SOX5: variants seen among roughly 807,000 people sequenced by gnomAD.
SOX5 encodes the protein transcription factor SOX-5.
In SOX5, 9 loss-of-function variants were observed where a neutral mutation model predicts 92.0. The observed-to-expected ratio is 0.10, with a 90% CI of 0.06 to 0.17. The LOEUF (loss-of-function observed/expected upper bound fraction) is 0.17. Among genes scored for constraint, SOX5 ranks in the 10% least tolerant of loss-of-function variants. The probability of loss-of-function intolerance (pLI) is 1.00; values close to 1 mark genes in which losing one functional copy is unlikely to be tolerated. For missense variants in SOX5, 642 were observed against 944.5 expected, an observed-to-expected ratio of 0.68 and a Z score of 4.20; for synonymous variants, 344 against 336.3, an observed-to-expected ratio of 1.02 and a Z score of -0.25.
At chr12:24,466,752 A>G (rs1462281696) in intron 1 of SOX5, among the ~76,000 whole-genome samples, 1 of 152,184 alleles carries the variant, frequency 6.6e-6, no homozygotes, top group Non-Finnish European at 1.5e-5. Flanking sequence ...TTTTCAAAAA[A>G]CAGTTTGTGG....
intron 3 of SOX5, among the ~76,000 whole-genome samples, chr12:24,249,782 T>C (rs1275313296): frequency 6.6e-6 from 1 of 152,218 alleles, no homozygotes; most frequent in East Asian, 1.9e-4. Context: ...CTAAGCATGC[T>C]GCCATTAAAA....
chr12:23,587,992 A>G (rs1950983117), intron 9 of SOX5, among the ~76,000 whole-genome samples: 1 of 152,052 alleles, frequency 6.6e-6, no homozygotes, highest in Non-Finnish European at 1.5e-5. Flanking sequence ...CTTTATTTTA[A>G]TGATAACCTC....
intron 6 of SOX5, among the ~76,000 whole-genome samples, chr12:23,679,143 T>A (rs1053476542): frequency 3.9e-5 from 6 of 152,034 alleles, no homozygotes; most frequent in Admixed American, 1.3e-4. Context: ...TCCAAGAAAG[T>A]TGGAGGTAGG....
intron 6 of SOX5, among the ~76,000 whole-genome samples, chr12:23,668,917 T>C (rs1163500767): frequency 6.6e-6 from 1 of 152,210 alleles, no homozygotes; most frequent in Non-Finnish European, 1.5e-5. Flanking sequence ...TAAATACCTA[T>C]CAATTACTCA....
At chr12:24,553,704 C>T (rs963599738) in intron 1 of SOX5, among the ~76,000 whole-genome samples, 3 of 152,110 alleles carry the variant, frequency 2.0e-5, no homozygotes, top group Non-Finnish European at 4.4e-5. Flanking sequence ...GACAGTGGTG[C>T]CATGAGAATA....
chr12:24,253,541 G>A (rs568326861), intron 3 of SOX5, among the ~76,000 whole-genome samples: 1 of 152,238 alleles, frequency 6.6e-6, no homozygotes, highest in South Asian at 2.1e-4. Flanking sequence ...AGGAAAACAA[G>A]AGCATAGTTA....
chr12:23,895,927 C>T lies in SOX5; in HGVS notation c.136G>A (p.Gly46Arg), dbSNP rs144090513. The T allele has an allele frequency of 6.2e-6, 10 of 1,613,822 alleles. No homozygotes were observed. Among genetic ancestry groups the T allele is most frequent in the African/African-American group, 4.0e-5 (3 of 75,020 alleles). The change falls in exon 2 of 15, where the codon GGG becomes AGG. Residue 46 changes from glycine (G) to arginine (R), a missense_variant. Gly to Arg is a moderately radical substitution (Grantham distance 125). This residue lies in a region of SOX5 where 113 missense variants were observed against 117.7 expected (regional missense o/e 0.96). Transcript: ENST00000451604. ...RQKVEEEESD[G>R]LPAFHLPLHV... ...AAGGGAAGGTGAAAGGCTGGGAGCC[C>T]GTCACTCTCCTCTTCTTCCACTTTC...
At chr12:23,872,946 A>G (rs1310100716) in intron 2 of SOX5, among the ~76,000 whole-genome samples, 2 of 152,200 alleles carry the variant, frequency 1.3e-5, no homozygotes, top group Non-Finnish European at 2.9e-5. Flanking sequence ...GACTAGGGAA[A>G]TAAAATGTTT....
chr12:23,615,156 G>C (rs1260197731), intron 8 of SOX5, among the ~76,000 whole-genome samples: 1 of 152,040 alleles, frequency 6.6e-6, no homozygotes, highest in Non-Finnish European at 1.5e-5. Context: ...ATTTTGGCAG[G>C]TGTGAAGTGG....
Position 24,554,433 on chromosome 12 carries a change from C to T in SOX5, c.-251+7896G>A, listed in dbSNP as rs187212971. On this transcript the variant is annotated intron_variant, in intron 1 of 4. Coordinates refer to the SOX5 transcript ENST00000446891. The stretch of plus-strand genomic sequence containing the variant: ...TAGAGACATTGAAGCAACCCGTGCT[C>T]ACTCTTCAGGAAAAAATTATGCCAA... Among the ~76,000 whole-genome samples the T allele has an allele frequency of 2.5e-4, 38 of 152,284 alleles. No homozygotes were observed. The Middle Eastern group carries it at 0.01, about 41-fold the overall frequency.
At chr12:24,391,906 G>T (rs6487385) in intron 1 of SOX5, among the ~76,000 whole-genome samples, 5 of 152,214 alleles carry the variant, frequency 3.3e-5, no homozygotes, top group East Asian at 3.9e-4. Flanking sequence ...TTCTTCTACA[G>T]GTTATTTCAA....
At chr12:23,975,272 C>A (rs1015042105) in intron 4 of SOX5, among the ~76,000 whole-genome samples, 1 of 151,604 alleles carries the variant, frequency 6.6e-6, no homozygotes, top group African/African-American at 2.4e-5. Flanking sequence ...TACTGATCCT[C>A]GATACTATAA....
chr12:24,187,747 A>T (rs972554563), intron 4 of SOX5, among the ~76,000 whole-genome samples: 11 of 152,064 alleles, frequency 7.2e-5, no homozygotes, highest in Admixed American at 6.6e-4. Flanking sequence ...TTGTTAATGG[A>T]GTCTAGCATT....
intron 1 of SOX5, among the ~76,000 whole-genome samples, chr12:24,429,660 C>T (rs1047216607): frequency 5.9e-5 from 9 of 151,838 alleles, no homozygotes; most frequent in Admixed American, 3.9e-4. Flanking sequence ...ACCCCATGAG[C>T]ACAAAGCCCT....
At chr12:23,636,086 T>G (rs1438376294) in intron 8 of SOX5, among the ~76,000 whole-genome samples, 2 of 152,200 alleles carry the variant, frequency 1.3e-5, no homozygotes, top group Non-Finnish European at 2.9e-5. Flanking sequence ...ATATTTCCTC[T>G]TCATAGTCAA....
chr12:24,367,131 C>T (rs1956255184), intron 2 of SOX5, among the ~76,000 whole-genome samples: 1 of 152,130 alleles, frequency 6.6e-6, no homozygotes. Context: ...TACAACCAGA[C>T]TTAGCTGACA....
At chr12:23,909,664 A>T (rs1370891350) in intron 1 of SOX5, among the ~76,000 whole-genome samples, 1 of 152,206 alleles carries the variant, frequency 6.6e-6, no homozygotes, top group Admixed American at 6.5e-5. Flanking sequence ...GCCCAGCTGT[A>T]TAAACCAGTC....
chr12:23,855,060 G>GA (rs11301325), intron 2 of SOX5, among the ~76,000 whole-genome samples: 9 of 150,992 alleles, frequency 6.0e-5, no homozygotes, highest in South Asian at 2.1e-4. Flanking sequence ...AACAAATAAA[G>GA]AAAAAAAATA....
chr12:23,570,922 AAAAAAAAAATATATATATATAT>A (rs1420032201), intron 10 of SOX5, among the ~76,000 whole-genome samples: 15 of 43,150 alleles, frequency 3.5e-4, no homozygotes, highest in African/African-American at 1.3e-3. Flanking sequence ...AAAAAAAAAA[AAAAAAAAAATATATATATATAT>A]ATATATATAT....
Sources: allele counts gnomAD v4.1 joint callset (sites outside exome capture counted in the v4.1 genomes callset), GRCh38; gene constraint gnomAD v4.1.1; regional missense constraint gnomAD v4.1.1; transcripts MANE v1.5; gene names NCBI Gene and HGNC (gene_info 2026-07-23, HGNC 2026-07-21).